Variants in DCAF5 observed in about 807,000 individuals in gnomAD.
The protein encoded by DCAF5 is DDB1- and CUL4-associated factor 5.
DCAF5 carries 9 observed loss-of-function variants against 80.7 expected under a neutral mutation model. The ratio of observed to expected loss-of-function variants is 0.11; its 90% CI spans 0.07 to 0.19. The LOEUF (loss-of-function observed/expected upper bound fraction) is 0.19. DCAF5 is among the 10% of genes least tolerant of loss of function. DCAF5 has a pLI of 1.00. For missense variants in DCAF5, 842 were observed against 1,205.7 expected (o/e 0.70, Z 4.47); for synonymous variants, 433 against 461.9 (o/e 0.94, Z 0.80).
At chr14:69,116,626 A>G (rs1283530167) in intron 4 of DCAF5, 131 bp from the exon 5 acceptor site, 2 of 1,052,080 alleles carry the variant, frequency 1.9e-6, no homozygotes, top group Non-Finnish European at 2.7e-6. Context: ...GCCCCAAAAC[A>G]GCACATAATC....
chr14:69,053,593 AC>A lies in DCAF5; in HGVS notation c.*263del. ...TTACTTCCACAGAGCCTTGCGCGGCACACTACGCTCACGTCTCACTAGAAAG... is the reference window on the plus strand; with the variant it reads ...TTACTTCCACAGAGCCTTGCGCGGCAACTACGCTCACGTCTCACTAGAAAG... On this transcript the variant is annotated 3_prime_UTR_variant, in exon 9 of 9. Transcript: ENST00000341516. 1.1e-5 allele frequency: 5 copies of A among 434,790 alleles called. No individual in the cohort carries two copies. The highest frequency in any genetic ancestry group is 2.0e-5 in the Non-Finnish European group (5 of 245,178). The allele number at this position is 434,790 out of a possible 1,614,324, so 26.9% of individuals were successfully genotyped here.
Position 69,118,056 on chromosome 14 carries a change from C to T in DCAF5, c.535+83G>A. The T allele has an allele frequency of 6.4e-7, 1 of 1,553,510 alleles. No homozygotes were observed. The highest frequency in any genetic ancestry group is 1.4e-5 in the African/African-American group (1 of 74,032). The stretch of plus-strand genomic sequence containing the variant: ...CCTTGACATCACTTGCACATAGATA[C>T]TGAGGTAATAAATTGGATCTTCAAT... On this transcript the variant is annotated intron_variant, in intron 4 of 8. Coordinates refer to ENST00000341516, the MANE Select transcript of DCAF5 (RefSeq NM_003861.3). The surrounding 1 kb of genome is among the most constrained non-coding windows in gnomAD (Gnocchi z 4.0).
intron 7 of DCAF5, among the ~76,000 whole-genome samples, chr14:69,072,281 G>A (rs1018032483): frequency 5.3e-5 from 8 of 152,096 alleles, no homozygotes; most frequent in African/African-American, 1.9e-4. Flanking sequence ...GGTAGAGAAA[G>A]GGACTATTGT....
At chr14:69,137,318 A>T (rs2041226159) in intron 1 of DCAF5, among the ~76,000 whole-genome samples, 1 of 152,324 alleles carries the variant, frequency 6.6e-6, no homozygotes, top group East Asian at 1.9e-4. Context: ...AGGTACTTCC[A>T]GATCACAAAT....
In DCAF5 at chr14:69,051,487, C is replaced by G. The variant is rs2037758403; in HGVS notation, c.*2370G>C. ...TGTGTGTGTCTTATGGGGCCTATCA[C>G]CCGGTAAGCTGAGCCTAGGATGCTG... is the stretch of plus-strand genomic sequence containing the variant. On this transcript the variant is annotated 3_prime_UTR_variant, in exon 9 of 9. Transcript: ENST00000341516. 1 of 152,172 alleles carries G rather than the reference C, an allele frequency of 6.6e-6. No individual in the cohort carries two copies. Among genetic ancestry groups the G allele is most frequent in the Admixed American group, 6.5e-5 (1 of 15,282 alleles). The allele number at this position is 152,172 out of a possible 1,614,324, so 9.4% of individuals were successfully genotyped here.
intron 1 of DCAF5, among the ~76,000 whole-genome samples, chr14:69,135,965 C>T (rs898126550): frequency 3.9e-5 from 6 of 152,062 alleles, no homozygotes; most frequent in East Asian, 1.9e-4. Flanking sequence ...TAACAGGCTA[C>T]GAGAAATTAT....
chr14:69,094,983 A>G (rs4143922), intron 5 of DCAF5, among the ~76,000 whole-genome samples: 2,285 of 152,320 alleles, frequency 0.015, 43 homozygotes, highest in East Asian at 0.055. Context: ...AAAACAAGGC[A>G]GAGAAAAAAG....
At chr14:69,099,251 AACACACACACACACACAC>A (rs60913200) in intron 5 of DCAF5, among the ~76,000 whole-genome samples, 26 of 124,350 alleles carry the variant, frequency 2.1e-4, no homozygotes, top group African/African-American at 4.5e-4. Context: ...ACTCTGTCTC[AACACACACACACACACAC>A]ACACACACAC....
chr14:69,115,432 ACTC>A (rs1013653617), intron 5 of DCAF5, among the ~76,000 whole-genome samples: 7 of 151,554 alleles, frequency 4.6e-5, no homozygotes, highest in African/African-American at 1.7e-4. Context: ...GTACTTAACT[ACTC>A]CTTTCATCTG....
intron 5 of DCAF5, among the ~76,000 whole-genome samples, chr14:69,101,882 G>T (rs1253044465): frequency 6.6e-6 from 1 of 151,978 alleles, no homozygotes; most frequent in Admixed American, 6.6e-5. Flanking sequence ...CAGTATAAAA[G>T]ATTTAAAAAA....
intron 5 of DCAF5, among the ~76,000 whole-genome samples, chr14:69,094,087 A>G (rs1020013604): frequency 7.2e-5 from 11 of 152,138 alleles, no homozygotes; most frequent in African/African-American, 2.7e-4. Flanking sequence ...GTGCAAATAA[A>G]CCAGCATTTG....
chr14:69,063,011 C>T (rs2038279296), intron 7 of DCAF5, among the ~76,000 whole-genome samples: 1 of 152,054 alleles, frequency 6.6e-6, no homozygotes, highest in Admixed American at 6.6e-5. Context: ...AACAAAAAAC[C>T]CCATAAAAAC....
At chr14:69,087,130 C>T (rs1417159111) in intron 6 of DCAF5, among the ~76,000 whole-genome samples, 1 of 152,136 alleles carries the variant, frequency 6.6e-6, no homozygotes, top group Non-Finnish European at 1.5e-5. Flanking sequence ...ATTGGACTCA[C>T]AATCTAGGAC....
intron 6 of DCAF5, chr14:69,089,508 T>C (rs768929074): frequency 2.6e-5 from 4 of 152,168 alleles, no homozygotes; most frequent in Admixed American, 6.5e-5. Context: ...ACTCTTCCCA[T>C]AGGACAAGTC....
At position 69,148,016 on chromosome 14, in the gene DCAF5, G is replaced by A. The variant is rs114249615; in HGVS notation, c.214+4749C>T. ...AGCCCTTTACAACATATAAAAAGGCGGAGTAACAATCCAAGTCAAATGCAC... is the reference window on the plus strand; with the variant it reads ...AGCCCTTTACAACATATAAAAAGGCAGAGTAACAATCCAAGTCAAATGCAC... On this transcript the variant is annotated intron_variant, in intron 1 of 8. Coordinates refer to ENST00000341516, the MANE Select transcript of DCAF5 (RefSeq NM_003861.3). Among the ~76,000 whole-genome samples, 426 of 151,274 alleles carry A rather than the reference G, an allele frequency of 2.8e-3. 2 individuals carry two copies. Among genetic ancestry groups the A allele is most frequent in the African/African-American group, 9.8e-3 (404 of 41,188 alleles).
intron 6 of DCAF5, among the ~76,000 whole-genome samples, chr14:69,079,153 G>A (rs1331386647): frequency 1.3e-5 from 2 of 152,170 alleles, no homozygotes; most frequent in Non-Finnish European, 2.9e-5. Flanking sequence ...GGTCTTATCA[G>A]GGGTTTTACT....
rs1196731625 is a variant in DCAF5 at position 69,118,120 on chromosome 14, A to G, written c.535+19T>C. ...AACTGTTCAACACAGTCCAACAGTC[A>G]TTTGCACAGTGAGCCTACCTCCATG... On this transcript the variant is annotated intron_variant, in intron 4 of 8. Transcript: ENST00000341516. The surrounding 1 kb of genome is among the most constrained non-coding windows in gnomAD (Gnocchi z 4.0). 4 of 1,613,692 alleles carry G rather than the reference A, an allele frequency of 2.5e-6. No homozygotes were observed. Among genetic ancestry groups the G allele is most frequent in the Non-Finnish European group, 3.4e-6 (4 of 1,179,692 alleles).
intron 5 of DCAF5, among the ~76,000 whole-genome samples, chr14:69,110,541 T>C (rs575694854): frequency 1.3e-5 from 2 of 152,236 alleles, no homozygotes; most frequent in East Asian, 3.9e-4. Flanking sequence ...GTGCTGGGAT[T>C]ACAGGCGTGA....
At chr14:69,140,532 A>C (rs1232365215) in intron 1 of DCAF5, among the ~76,000 whole-genome samples, 1 of 152,176 alleles carries the variant, frequency 6.6e-6, no homozygotes, top group African/African-American at 2.4e-5. Flanking sequence ...TTTTAGTTAA[A>C]CACTCCTCAG....
Sources: allele counts gnomAD v4.1 joint callset (sites outside exome capture counted in the v4.1 genomes callset), GRCh38; gene constraint gnomAD v4.1.1; non-coding constraint Gnocchi (gnomAD v3.1); transcripts MANE v1.5; gene names NCBI Gene and HGNC (gene_info 2026-07-23, HGNC 2026-07-21).